Variants in CSMD1 observed in about 807,000 individuals in gnomAD.
CSMD1 encodes the protein CUB and sushi domain-containing protein 1.
A neutral mutation model predicts 417.5 loss-of-function variants in CSMD1; 213 were observed. The ratio of observed to expected loss-of-function variants is 0.51; its 90% CI spans 0.46 to 0.57. The LOEUF (loss-of-function observed/expected upper bound fraction) is 0.57. Ranked by LOEUF, CSMD1 falls within the 20% of genes least tolerant of loss-of-function variation. The probability of loss-of-function intolerance (pLI) is 0.00; values close to 1 mark genes in which losing one functional copy is unlikely to be tolerated. For synonymous variants in CSMD1, 2,862 were observed against 1,736.8 expected (o/e 1.65, Z -16.11); for missense variants, 6,923 against 4,529.7 (o/e 1.53, Z -15.17).
At chr8:4,436,989 G>A (rs77715232) in intron 2 of CSMD1, among the ~76,000 whole-genome samples, 4,349 of 152,192 alleles carry the variant, frequency 0.029, 226 homozygotes, top group African/African-American at 0.098. Flanking sequence ...TTCTTGCTCA[G>A]CTTTCTAGGA....
At chr8:4,937,272 G>C (rs1399109480) in intron 1 of CSMD1, among the ~76,000 whole-genome samples, 12 of 152,058 alleles carry the variant, frequency 7.9e-5, no homozygotes, top group Admixed American at 5.9e-4. Context: ...TGGTGGTATA[G>C]TCCTATCTTC....
At chr8:3,640,282 T>C (rs141191098) in intron 7 of CSMD1, among the ~76,000 whole-genome samples, 55 of 152,326 alleles carry the variant, frequency 3.6e-4, no homozygotes, top group African/African-American at 1.2e-3. Context: ...TGAGCCTGTT[T>C]TGGAACATTT....
chr8:4,722,189 T>C (rs757944223), intron 1 of CSMD1, among the ~76,000 whole-genome samples: 1 of 152,124 alleles, frequency 6.6e-6, no homozygotes, highest in Non-Finnish European at 1.5e-5. Flanking sequence ...ATGCTGACTA[T>C]GGGAGGTGAT....
rs768551711 is a variant in CSMD1, at chr8:3,280,663, C to T, written c.4153+3481G>A. ...ATTGTCAACATTCAATCATTTTTTA[C>T]GTATAAAAATGACAATTTCATATGA... On this transcript the variant is annotated intron_variant, in intron 26 of 69. Transcript: ENST00000635120. Among the ~76,000 whole-genome samples the T allele has an allele frequency of 1.1e-4, 17 of 152,164 alleles. No individual in the cohort carries two copies. In the East Asian group the frequency reaches 1.5e-3, roughly 14 times the overall value.
At chr8:3,517,751 A>T (rs1412714280) in intron 10 of CSMD1, among the ~76,000 whole-genome samples, 1 of 152,218 alleles carries the variant, frequency 6.6e-6, no homozygotes. Flanking sequence ...ATTAATTAAA[A>T]TGAAGAATTC....
intron 10 of CSMD1, among the ~76,000 whole-genome samples, chr8:3,570,324 C>A (rs1799891870): frequency 1.3e-5 from 2 of 152,312 alleles, no homozygotes; most frequent in South Asian, 2.1e-4. Context: ...ATACACTAAC[C>A]GTCGGCTCCT....
At chr8:3,682,226 C>A (rs1298922370) in intron 7 of CSMD1, among the ~76,000 whole-genome samples, 32 of 152,118 alleles carry the variant, frequency 2.1e-4, no homozygotes, top group South Asian at 2.1e-4. Flanking sequence ...CTGCACAGCA[C>A]AAGAAACTAC....
At chr8:3,277,036 C>G (rs1400625916) in intron 26 of CSMD1, among the ~76,000 whole-genome samples, 2 of 152,050 alleles carry the variant, frequency 1.3e-5, no homozygotes, top group African/African-American at 2.4e-5. Context: ...GTGAGATAGG[C>G]ACACTGGAAT....
chr8:3,366,653 C>A (rs995785087), intron 20 of CSMD1, among the ~76,000 whole-genome samples: 2 of 152,134 alleles, frequency 1.3e-5, no homozygotes, highest in Non-Finnish European at 2.9e-5. Flanking sequence ...AGGGTAGAAA[C>A]CAATGCAATC....
chr8:4,014,159 C>A (rs575916203), intron 4 of CSMD1, among the ~76,000 whole-genome samples: 3 of 152,218 alleles, frequency 2.0e-5, no homozygotes, highest in Admixed American at 1.3e-4. Context: ...GGTGAACTGT[C>A]ATAACATTAG....
intron 10 of CSMD1, chr8:3,515,132 T>C (rs1387702733): frequency 1.3e-5 from 2 of 152,238 alleles, no homozygotes; most frequent in Non-Finnish European, 2.9e-5. Flanking sequence ...ATAATTCATC[T>C]TGAATACATG....
At chr8:4,654,955 AAGTT>A (rs923367483) in intron 1 of CSMD1, among the ~76,000 whole-genome samples, 7 of 152,036 alleles carry the variant, frequency 4.6e-5, no homozygotes, top group Non-Finnish European at 1.5e-5. Context: ...TCTAAAACAA[AAGTT>A]AGTATTTTTT....
At chr8:4,286,746 C>G (rs1456096083) in intron 3 of CSMD1, among the ~76,000 whole-genome samples, 1 of 152,168 alleles carries the variant, frequency 6.6e-6, no homozygotes, top group Admixed American at 6.5e-5. Flanking sequence ...GCATCTGATG[C>G]TTGATAAATA....
intron 1 of CSMD1, among the ~76,000 whole-genome samples, chr8:4,920,002 G>T (rs537431490): frequency 6.6e-6 from 1 of 152,148 alleles, no homozygotes; most frequent in South Asian, 2.1e-4. Flanking sequence ...ATACATTTCT[G>T]TTCTCTATCA....
chr8:4,855,781 C>T (rs1426562925), intron 1 of CSMD1, among the ~76,000 whole-genome samples: 3 of 151,832 alleles, frequency 2.0e-5, no homozygotes, highest in East Asian at 3.9e-4. Flanking sequence ...ACCAAATCTA[C>T]GTCTGATTGG....
At chr8:3,476,956 G>T (rs987911735) in intron 11 of CSMD1, among the ~76,000 whole-genome samples, 1 of 150,812 alleles carries the variant, frequency 6.6e-6, no homozygotes, top group Non-Finnish European at 1.5e-5. Flanking sequence ...GTAGTTCAGG[G>T]TTTAAGTTGG....
At chr8:4,763,027 T>A (rs375016109) in intron 1 of CSMD1, among the ~76,000 whole-genome samples, 9 of 152,280 alleles carry the variant, frequency 5.9e-5, no homozygotes, top group African/African-American at 1.9e-4. Context: ...GAGTTTACCC[T>A]GCACCCCTAG....
chr8:4,109,461 A>G (rs746046543), intron 3 of CSMD1, among the ~76,000 whole-genome samples: 3 of 152,206 alleles, frequency 2.0e-5, no homozygotes. Flanking sequence ...CACACCACTA[A>G]ATATGTAACC....
At chr8:3,106,013 TC>T (rs1193254778) in intron 46 of CSMD1, among the ~76,000 whole-genome samples, 1 of 152,228 alleles carries the variant, frequency 6.6e-6, no homozygotes, top group Non-Finnish European at 1.5e-5. Flanking sequence ...TGGTTTATTT[TC>T]TAGGACTAGA....
Sources: allele counts gnomAD v4.1 joint callset (sites outside exome capture counted in the v4.1 genomes callset), GRCh38; gene constraint gnomAD v4.1.1; transcripts MANE v1.5; gene names NCBI Gene and HGNC (gene_info 2026-07-23, HGNC 2026-07-21).